Variants in PGAP4 observed in about 807,000 individuals in gnomAD.
PGAP4 encodes the protein post-GPI attachment to proteins GalNAc transferase 4.
Under a neutral mutation model 28.2 loss-of-function variants are expected in PGAP4, and 12 were observed. That is an observed-to-expected ratio of 0.42 (90% confidence interval 0.27 to 0.69). PGAP4 has a LOEUF of 0.69. Among genes scored for constraint, PGAP4 ranks in the 30% least tolerant of loss-of-function variants. The probability of loss-of-function intolerance (pLI) is 0.22; values close to 1 mark genes in which losing one functional copy is unlikely to be tolerated. For missense variants in PGAP4, 425 were observed against 513.5 expected, an observed-to-expected ratio of 0.83 and a Z score of 1.67; for synonymous variants, 205 against 211.8, an observed-to-expected ratio of 0.97 and a Z score of 0.28.
intron 2 of PGAP4, among the ~76,000 whole-genome samples, chr9:101,494,803 G>T (rs1158334460): frequency 6.6e-6 from 1 of 151,556 alleles, no homozygotes; most frequent in Non-Finnish European, 1.5e-5. Flanking sequence ...AGTTGACAAG[G>T]AAACTAGTTA....
intron 2 of PGAP4, among the ~76,000 whole-genome samples, chr9:101,527,911 G>A (rs1301661200): frequency 6.6e-6 from 1 of 152,114 alleles, no homozygotes; most frequent in African/African-American, 2.4e-5. Flanking sequence ...CATCTTGACT[G>A]CCCATTGGGA....
chr9:101,496,383 T>C (rs981542611), intron 2 of PGAP4, among the ~76,000 whole-genome samples: 4 of 151,534 alleles, frequency 2.6e-5, no homozygotes, highest in African/African-American at 9.7e-5. Flanking sequence ...TTTTGAGATG[T>C]AAATCTGAGC....
chr9:101,516,487 T>C (rs1826944630), intron 2 of PGAP4, among the ~76,000 whole-genome samples: 1 of 152,206 alleles, frequency 6.6e-6, no homozygotes, highest in South Asian at 2.1e-4. Flanking sequence ...CATTTTGCCA[T>C]GAATTCTTGC....
At chr9:101,518,342 T>G (rs1448688817) in intron 2 of PGAP4, among the ~76,000 whole-genome samples, 2 of 152,174 alleles carry the variant, frequency 1.3e-5, no homozygotes, top group Non-Finnish European at 2.9e-5. Flanking sequence ...GAGTAAGTTC[T>G]TTAGCGGTGA....
At chr9:101,497,425 T>A (rs1176407573) in intron 2 of PGAP4, among the ~76,000 whole-genome samples, 2 of 151,548 alleles carry the variant, frequency 1.3e-5, no homozygotes, top group Non-Finnish European at 3.0e-5. Context: ...CTTGGAAGAG[T>A]TAGCTGTTGT....
chr9:101,476,679 C>T lies in PGAP4; in HGVS notation c.414G>A (p.Gly138=). Residue 138 remains glycine (G), a synonymous_variant, in exon 2 of 2, where the codon GGG becomes GGA. Transcript: ENST00000374848. The surrounding 1 kb of genome is among the most constrained non-coding windows in gnomAD (Gnocchi z 7.0). ...CCACGTTGCACAGGAAGAGTTGGTG[C>T]CCCTCGCACTGGGGGCCACATTGCT... The part of the protein sequence containing the change: ...LLQQCGPQCE[G]HQLFLCNVER... The T allele has an allele frequency of 8.1e-6, 13 of 1,614,146 alleles. No individual in the cohort carries two copies. The highest frequency in any genetic ancestry group is 1.1e-5 in the Non-Finnish European group (13 of 1,180,046).
intron 2 of PGAP4, among the ~76,000 whole-genome samples, chr9:101,507,031 T>G (rs1052310443): frequency 2.0e-5 from 3 of 152,116 alleles, no homozygotes; most frequent in African/African-American, 7.2e-5. Context: ...TGATTAACCT[T>G]CCTTAGCATT....
At chr9:101,499,961 T>C (rs538565403) in intron 2 of PGAP4, among the ~76,000 whole-genome samples, 1 of 151,998 alleles carries the variant, frequency 6.6e-6, no homozygotes, top group Non-Finnish European at 1.5e-5. Context: ...AATTGAGAAA[T>C]TAATATTAAT....
chr9:101,516,867 G>C (rs1826948277), intron 2 of PGAP4, among the ~76,000 whole-genome samples: 1 of 152,186 alleles, frequency 6.6e-6, no homozygotes. Context: ...AGGCAACACA[G>C]CTACATGCTT....
At chr9:101,503,573 A>G (rs2118596266) in intron 2 of PGAP4, among the ~76,000 whole-genome samples, 1 of 152,170 alleles carries the variant, frequency 6.6e-6, no homozygotes, top group South Asian at 2.1e-4. Flanking sequence ...ATTCTCTACC[A>G]CAGGGAGCCA....
At chr9:101,484,197 A>G (rs1224322993) in intron 1 of PGAP4, among the ~76,000 whole-genome samples, 3 of 152,002 alleles carry the variant, frequency 2.0e-5, no homozygotes, top group Non-Finnish European at 4.4e-5. Flanking sequence ...AAAGAGAAAG[A>G]GGGGCAGAGG....
Position 101,486,396 on chromosome 9 carries a change from C to G in PGAP4, c.-78+553G>C, listed in dbSNP as rs1826614990. Among the ~76,000 whole-genome samples the G allele has an allele frequency of 6.6e-6, 1 of 152,188 alleles. No homozygotes were observed. Among genetic ancestry groups the G allele is most frequent in the African/African-American group, 2.4e-5 (1 of 41,458 alleles). On this transcript the variant is annotated intron_variant, in intron 1 of 1. Coordinates refer to ENST00000374848, the MANE Select transcript of PGAP4 (RefSeq NM_032342.3). The surrounding 1 kb of genome is among the most constrained non-coding windows in gnomAD (Gnocchi z 4.7). The stretch of plus-strand genomic sequence containing the variant: ...CCTTCCTCTGCCCAGTCGCCCTCCC[C>G]CAGCCCTTGGCTGCGAGGTCGCCCG...
At chr9:101,495,184 T>A (rs1276690843) in intron 2 of PGAP4, among the ~76,000 whole-genome samples, 18 of 100,270 alleles carry the variant, frequency 1.8e-4, no homozygotes, top group African/African-American at 5.4e-4. Flanking sequence ...TATATATTTT[T>A]TGTATAATAT....
intron 2 of PGAP4, among the ~76,000 whole-genome samples, chr9:101,528,884 A>G (rs1289450043): frequency 6.6e-6 from 1 of 150,438 alleles, no homozygotes; most frequent in African/African-American, 2.5e-5. Flanking sequence ...AGATTATTTG[A>G]TCATCCAGAT....
intron 2 of PGAP4, among the ~76,000 whole-genome samples, chr9:101,495,915 A>G (rs893252060): frequency 2.6e-5 from 4 of 151,410 alleles, no homozygotes; most frequent in Admixed American, 1.3e-4. Flanking sequence ...CATTTAAATA[A>G]CTGGAAAGTC....
At chr9:101,487,710 A>G (rs1318187875), upstream of PGAP4, among the ~76,000 whole-genome samples, 1 of 152,212 alleles carries the variant, frequency 6.6e-6, no homozygotes, top group Non-Finnish European at 1.5e-5. Flanking sequence ...CAGGTTAGCA[A>G]CTACAGTTTG....
intron 1 of PGAP4, chr9:101,479,871 C>T (rs575777045): frequency 1.3e-5 from 2 of 152,324 alleles, no homozygotes; most frequent in East Asian, 1.9e-4. Flanking sequence ...CCACCTGGGG[C>T]GTGTTCTTAC....
intron 2 of PGAP4, among the ~76,000 whole-genome samples, chr9:101,527,254 A>C (rs1827042759): frequency 6.6e-6 from 1 of 152,170 alleles, no homozygotes; most frequent in South Asian, 2.1e-4. Context: ...CATCAATGTA[A>C]TCAGCCTTTT....
intron 1 of PGAP4, among the ~76,000 whole-genome samples, chr9:101,532,036 G>A (rs546659397): frequency 6.6e-6 from 1 of 152,232 alleles, no homozygotes; most frequent in African/African-American, 2.4e-5. Flanking sequence ...TTGGGAGGCT[G>A]AGGTGGATGG....
Sources: gnomAD v4.1 joint callset for allele counts (sites outside exome capture counted in the v4.1 genomes callset) on GRCh38, gnomAD v4.1.1 for gene constraint, Gnocchi (gnomAD v3.1) non-coding constraint, MANE v1.5 for transcripts, NCBI Gene and HGNC (gene_info 2026-07-23, HGNC 2026-07-21) for gene names.